The following GABRG3 variants were observed in gnomAD, a reference collection of about 807,000 sequenced individuals.
GABRG3 encodes the protein gamma-aminobutyric acid receptor subunit gamma-3.
A neutral mutation model predicts 48.8 loss-of-function variants in GABRG3; 25 were observed. That is an observed-to-expected ratio of 0.51 (90% CI 0.37 to 0.72). The LOEUF (loss-of-function observed/expected upper bound fraction) is 0.72, where lower values mean the gene tolerates loss of function less well. Ranked by LOEUF, GABRG3 falls within the 30% of genes least tolerant of loss-of-function variation. GABRG3 has a pLI of 0.00. For synonymous variants in GABRG3, 227 were observed against 217.6 expected (o/e 1.04, Z -0.38); for missense variants, 394 against 577.9 (o/e 0.68, Z 3.26).
chr15:27,122,802 T>C (rs1409807803), intron 3 of GABRG3, among the ~76,000 whole-genome samples: 1 of 152,196 alleles, frequency 6.6e-6, no homozygotes, highest in East Asian at 1.9e-4. Flanking sequence ...ACGATTGCAC[T>C]TGAAGCTTAG....
intron 5 of GABRG3, among the ~76,000 whole-genome samples, chr15:27,347,704 G>C (rs1282281082): frequency 6.6e-6 from 1 of 152,102 alleles, no homozygotes; most frequent in African/African-American, 2.4e-5. Context: ...GGAAAGTGTT[G>C]GGGGACCCCT....
At chr15:27,468,234 A>C (rs560673895) in intron 5 of GABRG3, among the ~76,000 whole-genome samples, 1 of 152,308 alleles carries the variant, frequency 6.6e-6, no homozygotes, top group African/African-American at 2.4e-5. Flanking sequence ...CACACTCAAG[A>C]AAGGGGAGTG....
At chr15:27,186,497 G>A (rs1041803533) in intron 3 of GABRG3, among the ~76,000 whole-genome samples, 1 of 152,114 alleles carries the variant, frequency 6.6e-6, no homozygotes, top group African/African-American at 2.4e-5. Context: ...TGTCTTTTTG[G>A]TAGAATGATT....
chr15:27,281,627 A>T (rs190334563), intron 3 of GABRG3, among the ~76,000 whole-genome samples: 1 of 151,800 alleles, frequency 6.6e-6, no homozygotes, highest in Admixed American at 6.6e-5. Context: ...CGGACACTGT[A>T]CTTTTCCTAC....
intron 3 of GABRG3, among the ~76,000 whole-genome samples, chr15:27,210,367 G>T (rs1471748826): frequency 2.6e-5 from 4 of 152,230 alleles, no homozygotes; most frequent in African/African-American, 9.6e-5. Context: ...GCATGTGGGA[G>T]ATTTTCTCCT....
intron 5 of GABRG3, among the ~76,000 whole-genome samples, chr15:27,380,519 A>C (rs1566814219): frequency 1.3e-5 from 2 of 151,728 alleles, no homozygotes. Flanking sequence ...ATTAGTCTTT[A>C]TTGTGAGGTT....
At chr15:27,250,835 G>A (rs949219962) in intron 3 of GABRG3, among the ~76,000 whole-genome samples, 1 of 152,178 alleles carries the variant, frequency 6.6e-6, no homozygotes, top group African/African-American at 2.4e-5. Context: ...GAGGCCACCA[G>A]GGTGGCAAGG....
At chr15:27,313,944 CTAG>C (rs890001084) in intron 3 of GABRG3, among the ~76,000 whole-genome samples, 7 of 151,048 alleles carry the variant, frequency 4.6e-5, no homozygotes, top group African/African-American at 1.5e-4. Context: ...AGGCCCAAAA[CTAG>C]TAGAAGGAAG....
At chr15:27,042,458 A>G (rs1896293008) in intron 3 of GABRG3, among the ~76,000 whole-genome samples, 1 of 152,162 alleles carries the variant, frequency 6.6e-6, no homozygotes, top group Non-Finnish European at 1.5e-5. Context: ...AGAACGGGCC[A>G]AGGGGCCTGG....
intron 3 of GABRG3, among the ~76,000 whole-genome samples, chr15:27,037,163 ACACCT>A (rs1457576214): frequency 6.6e-6 from 1 of 152,170 alleles, no homozygotes; most frequent in Admixed American, 6.5e-5. Context: ...AGCCCTGCTG[ACACCT>A]TGATCTCGGC....
intron 3 of GABRG3, among the ~76,000 whole-genome samples, chr15:27,164,235 A>G: frequency 6.6e-6 from 1 of 152,176 alleles, no homozygotes; most frequent in Non-Finnish European, 1.5e-5. Flanking sequence ...ACACACAAAC[A>G]CAGCTTCTCT....
At chr15:27,422,214 TAA>T (rs1480411851) in intron 5 of GABRG3, among the ~76,000 whole-genome samples, 10 of 136,396 alleles carry the variant, frequency 7.3e-5, no homozygotes, top group African/African-American at 2.8e-4. Flanking sequence ...GAATGGGCTA[TAA>T]ATCCACCAAT....
chr15:27,307,908 CAT>C (rs1892725335), intron 3 of GABRG3, among the ~76,000 whole-genome samples: 1 of 71,954 alleles, frequency 1.4e-5, no homozygotes, highest in African/African-American at 5.5e-5. Flanking sequence ...ATAAAATAAA[CAT>C]GTTTATATAT....
At chr15:27,171,116 A>T (rs946781301) in intron 3 of GABRG3, among the ~76,000 whole-genome samples, 1 of 152,180 alleles carries the variant, frequency 6.6e-6, no homozygotes, top group Non-Finnish European at 1.5e-5. Flanking sequence ...CATGATGCTC[A>T]GGTTCACTGC....
At chr15:27,304,194 C>T (rs912352652) in intron 3 of GABRG3, among the ~76,000 whole-genome samples, 7 of 151,644 alleles carry the variant, frequency 4.6e-5, no homozygotes, top group African/African-American at 1.7e-4. Flanking sequence ...TCCTGTTAAC[C>T]TAGTAGAAGA....
At chr15:27,251,517 A>C (rs1890454813) in intron 3 of GABRG3, among the ~76,000 whole-genome samples, 1 of 152,212 alleles carries the variant, frequency 6.6e-6, no homozygotes, top group Non-Finnish European at 1.5e-5. Flanking sequence ...TTTTATTTAC[A>C]AAGTGTATTC....
At chr15:27,053,971 G>A (rs2140713703) in intron 3 of GABRG3, among the ~76,000 whole-genome samples, 1 of 152,336 alleles carries the variant, frequency 6.6e-6, no homozygotes, top group African/African-American at 2.4e-5. Context: ...GACTTCAAAA[G>A]GAGGGAGGGG....
intron 2 of GABRG3, among the ~76,000 whole-genome samples, chr15:27,022,989 C>T (rs1023598892): frequency 6.6e-6 from 1 of 152,200 alleles, no homozygotes; most frequent in African/African-American, 2.4e-5. Context: ...TGAGGCTTAG[C>T]TGGCGGATCT....
At chr15:27,194,074 G>T (rs1888420065) in intron 3 of GABRG3, among the ~76,000 whole-genome samples, 1 of 151,664 alleles carries the variant, frequency 6.6e-6, no homozygotes, top group African/African-American at 2.4e-5. Flanking sequence ...ATTTTGTTTT[G>T]TATGATTTTC....
Sources: gnomAD v4.1 joint callset for allele counts (sites outside exome capture counted in the v4.1 genomes callset) on GRCh38, gnomAD v4.1.1 for gene constraint, MANE v1.5 for transcripts, NCBI Gene and HGNC (gene_info 2026-07-23, HGNC 2026-07-21) for gene names.